The following NSG1 variants were observed in gnomAD, a reference collection of about 807,000 sequenced individuals.
NSG1 encodes neuronal vesicle trafficking associated 1, also known as neuronal vesicle trafficking-associated protein 1.
A neutral mutation model predicts 19.3 loss-of-function variants in NSG1; 9 were observed. The observed-to-expected ratio is 0.47, with a 90% CI of 0.28 to 0.81. The LOEUF is 0.81. Ranked by LOEUF, NSG1 falls within the 40% of genes least tolerant of loss-of-function variation. NSG1 has a pLI of 0.11. For missense variants in NSG1, 236 were observed against 242.4 expected, an observed-to-expected ratio of 0.97 and a Z score of 0.18; for synonymous variants, 104 against 107.0, an observed-to-expected ratio of 0.97 and a Z score of 0.17.
intron 2 of NSG1, among the ~76,000 whole-genome samples, chr4:4,389,060 C>G (rs1463521916): frequency 6.6e-6 from 1 of 152,248 alleles, no homozygotes; most frequent in East Asian, 1.9e-4. Flanking sequence ...CCCCACACCC[C>G]CTCCTGCCTG....
intron 3 of NSG1, among the ~76,000 whole-genome samples, chr4:4,406,207 TTA>T (rs1353971464): frequency 3.0e-4 from 45 of 152,266 alleles, no homozygotes; most frequent in African/African-American, 1.0e-3. Flanking sequence ...TTTTATATTT[TTA>T]GTAGAGACGG....
In NSG1 at chr4:4,417,555, CTG is replaced by C. The variant is rs1724647155; in HGVS notation, c.*122_*123del. 7.1e-6 allele frequency: 7 copies of C among 990,740 alleles called. No individual in the cohort carries two copies. Among genetic ancestry groups the C allele is most frequent in the Non-Finnish European group, 8.9e-6 (6 of 671,918 alleles). 61.4% of individuals were successfully genotyped at this position (990,740 alleles called of 1,614,324 possible). ...TTACTCATTTACGGTGCAATTGCTT[CTG>C]TTTGCTAATGCTGCTTTGCAAATAA... On this transcript the variant is annotated 3_prime_UTR_variant, in exon 5 of 5. Transcript: ENST00000621129.
rs1485269486 is a variant in NSG1, at chr4:4,409,694, G to GT, written c.357+15dup. On this transcript the variant is annotated intron_variant, in intron 4 of 4. Coordinates refer to ENST00000621129, the MANE Select transcript of NSG1 (RefSeq NM_014392.5). ...GGGTTCGTCCTCAAGGTAAAACTCCGTTTTCCCCCAGAGGCCCTGGGACGC... is the reference window on the plus strand; with the variant it reads ...GGGTTCGTCCTCAAGGTAAAACTCCGTTTTTCCCCCAGAGGCCCTGGGACGC... 1.2e-6 allele frequency: 2 copies of GT among 1,607,270 alleles called. No homozygotes were observed. The highest frequency in any genetic ancestry group is 2.7e-5 in the African/African-American group (2 of 74,792).
At chr4:4,395,835 T>G (rs760786653) in intron 3 of NSG1, among the ~76,000 whole-genome samples, 1 of 152,212 alleles carries the variant, frequency 6.6e-6, no homozygotes, top group Non-Finnish European at 1.5e-5. Context: ...TGTCCCCTCC[T>G]CTCTCCAATT....
At chr4:4,417,203 A>G (rs1337991124) in intron 4 of NSG1, 32 bp from the exon 5 acceptor site, 1 of 1,600,934 alleles carries the variant, frequency 6.2e-7, no homozygotes, top group Admixed American at 1.7e-5. Context: ...TCTTGCACCG[A>G]CGCGTGCTCT....
chr4:4,393,875 G>T (rs1345540989), intron 3 of NSG1, among the ~76,000 whole-genome samples: 3 of 152,060 alleles, frequency 2.0e-5, no homozygotes, highest in Non-Finnish European at 4.4e-5. Context: ...CCCAGGGCAG[G>T]TGCAGATCAC....
chr4:4,387,556 C>CCCCCCGGGGGGGGGGGGGGGGGGG, intron 1 of NSG1, 48 bp from the exon 2 acceptor site: 2 of 741,700 alleles, frequency 2.7e-6, no homozygotes, highest in Non-Finnish European at 2.1e-6. Flanking sequence ...CCCCCCGCCC[C>CCCCCCGGGGGGGGGGGGGGGGGGG]GCCCCGGGTC....
At chr4:4,395,148 T>A (rs746316084) in intron 3 of NSG1, among the ~76,000 whole-genome samples, 3 of 152,208 alleles carry the variant, frequency 2.0e-5, no homozygotes, top group Non-Finnish European at 4.4e-5. Flanking sequence ...GGAAGGAGAT[T>A]TACCTAGCTC....
intron 3 of NSG1, among the ~76,000 whole-genome samples, chr4:4,398,362 C>T (rs1248484033): frequency 2.6e-5 from 4 of 152,130 alleles, no homozygotes; most frequent in Non-Finnish European, 5.9e-5. Context: ...ACCATGTTGT[C>T]CAACCACCAT....
rs200737341 is a variant in NSG1, at chr4:4,387,508, C to CGGACGCCG, written c.-26-86_-26-79dup. On this transcript the variant is annotated intron_variant, in intron 1 of 4. Transcript: ENST00000621129. ...AGACGAAGCGGGGCCGGGGAGCTCG[C>CGGACGCCG]GGACGCCGGGACGCCGGTGGGTGTG... is the stretch of plus-strand genomic sequence containing the variant. 3,607 of 814,530 alleles carry CGGACGCCG rather than the reference C, an allele frequency of 4.4e-3. 111 individuals are homozygous for CGGACGCCG. The African/African-American group carries it at 0.059, about 13-fold the overall frequency. The allele number at this position is 814,530 out of a possible 1,614,324, so 50.5% of individuals were successfully genotyped here. A position where few individuals can be genotyped will look rare whatever the true frequency, so the allele number is the denominator to read the frequency against.
chr4:4,405,744 C>A (rs1399792172), intron 3 of NSG1, among the ~76,000 whole-genome samples: 1 of 152,172 alleles, frequency 6.6e-6, no homozygotes, highest in African/African-American at 2.4e-5. Flanking sequence ...CGCTGACTCT[C>A]CCTGGATGTA....
At position 4,409,680 on chromosome 4, in the gene NSG1, C is replaced by T. The variant is rs756691368; in HGVS notation, c.354C>T (p.Leu118=). ...YDRACPDGFV[L]KNTQCIPEGL... ...GCGCCTGCCCCGATGGGTTCGTCCTCAAGGTAAAACTCCGTTTTCCCCCAG... is the reference window on the plus strand; with the variant it reads ...GCGCCTGCCCCGATGGGTTCGTCCTTAAGGTAAAACTCCGTTTTCCCCCAG... The change falls in exon 4 of 5, where the codon CTC becomes CTT. Residue 118 remains leucine, a synonymous_variant. Coordinates refer to ENST00000621129, the MANE Select transcript of NSG1 (RefSeq NM_014392.5). The T allele has an allele frequency of 5.0e-6, 8 of 1,612,726 alleles. No individual in the cohort carries two copies. The Admixed American group carries it at 5.0e-5, about 10-fold the overall frequency.
In NSG1 at chr4:4,404,139, T is replaced by C. The variant is rs566989048; in HGVS notation, c.247-5434T>C. 5.3e-5 allele frequency among the ~76,000 whole-genome samples: 8 copies of C among 152,356 alleles called. No homozygotes were observed. The South Asian group carries it at 1.5e-3, about 28-fold the overall frequency. On this transcript the variant is annotated intron_variant, in intron 3 of 4. Coordinates refer to ENST00000621129, the MANE Select transcript of NSG1 (RefSeq NM_014392.5). ...CTGCGAATGGCCGCCACCTCTCTTT[T>C]TGCATAGCCAACACCGGCCTCTTAG...
intron 3 of NSG1, among the ~76,000 whole-genome samples, chr4:4,409,204 C>T (rs1026207573): frequency 7.9e-5 from 12 of 152,218 alleles, no homozygotes; most frequent in African/African-American, 2.9e-4. Flanking sequence ...GCACCACCGC[C>T]GTGATGGGGC....
At chr4:4,400,945 T>A (rs1363805405) in intron 3 of NSG1, among the ~76,000 whole-genome samples, 2 of 152,260 alleles carry the variant, frequency 1.3e-5, no homozygotes, top group African/African-American at 4.8e-5. Context: ...TTTTACTCAT[T>A]TAAAACATCA....
intron 1 of NSG1, 125 bp from the exon 2 acceptor site, chr4:4,387,479 C>T (rs1392651995): frequency 3.1e-6 from 2 of 645,528 alleles, no homozygotes; most frequent in African/African-American, 1.9e-5. Flanking sequence ...ACGAGCCCTC[C>T]CCGAGACGAA....
At position 4,397,274 on chromosome 4, in the gene NSG1, C is replaced by T. The variant is rs564116786; in HGVS notation, c.246+5683C>T. Reference sequence around the variant, plus strand: ...CCCAGCGCCGTCGACCTGGCGCCATCGACCCAGTGCATGCCTGGGCTTGGG... The same window carrying T: ...CCCAGCGCCGTCGACCTGGCGCCATTGACCCAGTGCATGCCTGGGCTTGGG... On this transcript the variant is annotated intron_variant, in intron 3 of 4. Coordinates refer to ENST00000621129, the MANE Select transcript of NSG1 (RefSeq NM_014392.5). 5.9e-5 allele frequency among the ~76,000 whole-genome samples: 9 copies of T among 152,180 alleles called. No individual in the cohort carries two copies. The East Asian group carries it at 9.7e-4, about 16-fold the overall frequency.
At chr4:4,411,766 A>AC (rs1560147679) in intron 4 of NSG1, among the ~76,000 whole-genome samples, 1 of 112,132 alleles carries the variant, frequency 8.9e-6, no homozygotes, top group African/African-American at 6.1e-5. Flanking sequence ...AACAAAACAA[A>AC]ACAAAACAAA....
In NSG1 at chr4:4,417,224, T is replaced by C. The variant is rs763924882; in HGVS notation, c.358-11T>C. ...ACCGACGCGTGCTCTCAGTGGCCTC[T>C]TGTCTTTCAGAACACCCAGTGCATC... On this transcript the variant is annotated splice_polypyrimidine_tract_variant and intron_variant, in intron 4 of 4. Transcript: ENST00000621129. 1.9e-6 allele frequency: 3 copies of C among 1,613,254 alleles called. No individual in the cohort carries two copies. Among genetic ancestry groups the C allele is most frequent in the East Asian group, 4.5e-5 (2 of 44,880 alleles).
Sources: allele counts gnomAD v4.1 joint callset (sites outside exome capture counted in the v4.1 genomes callset), GRCh38; gene constraint gnomAD v4.1.1; transcripts MANE v1.5; gene names NCBI Gene and HGNC (gene_info 2026-07-23, HGNC 2026-07-21).